HMCN1: variants seen among roughly 807,000 people sequenced by gnomAD.
HMCN1 encodes hemicentin 1, also known as hemicentin-1.
A neutral mutation model predicts 625.9 loss-of-function variants in HMCN1; 321 were observed. The observed-to-expected ratio is 0.51, with a 90% confidence interval of 0.47 to 0.56. The LOEUF is 0.56. Ranked by LOEUF, HMCN1 falls within the 20% of genes least tolerant of loss-of-function variation. The pLI is 0.00. For synonymous variants in HMCN1, 2,425 were observed against 2,417.6 expected, an observed-to-expected ratio of 1.00 and a Z score of -0.09; for missense variants, 6,588 against 6,887.3, an observed-to-expected ratio of 0.96 and a Z score of 1.54.
At chr1:185,811,650 A>AT (rs1290230848) in intron 1 of HMCN1, among the ~76,000 whole-genome samples, 1 of 151,858 alleles carries the variant, frequency 6.6e-6, no homozygotes, top group Non-Finnish European at 1.5e-5. Context: ...GGTATAAGCC[A>AT]TTTTTCTCAT....
At chr1:185,807,516 C>T (rs74495765) in intron 1 of HMCN1, among the ~76,000 whole-genome samples, 295 of 152,320 alleles carry the variant, frequency 1.9e-3, no homozygotes, top group Non-Finnish European at 3.2e-3. Flanking sequence ...TACACATAAA[C>T]ATGCACATAT....
chr1:185,744,909 T>C (rs1654281873), intron 1 of HMCN1, among the ~76,000 whole-genome samples: 1 of 151,822 alleles, frequency 6.6e-6, no homozygotes, highest in Admixed American at 6.6e-5. Flanking sequence ...AACAAGGGAG[T>C]CCTGAGAGCT....
intron 96 of HMCN1, 31 bp downstream of exon 96, chr1:186,152,902 C>T (rs1650765000): frequency 6.2e-7 from 1 of 1,612,218 alleles, no homozygotes. Flanking sequence ...GTCTTTGCTG[C>T]TTATTAGAGT....
Position 186,015,505 on chromosome 1 carries a change from T to C in HMCN1, c.4909+68T>C, listed in dbSNP as rs903755863. On this transcript the variant is annotated intron_variant, in intron 31 of 106. Coordinates refer to ENST00000271588, the MANE Select transcript of HMCN1 (RefSeq NM_031935.3). ...TGCTTTCTAATAGGCAAATATCGAA[T>C]TTATTCACTAATAGTCCTTGGTGGG... 3.6e-5 allele frequency: 52 copies of C among 1,428,652 alleles called. No homozygotes were observed. In the Middle Eastern group the frequency reaches 1.1e-3, roughly 29 times the overall value. 88.5% of individuals were successfully genotyped at this position (1,428,652 alleles called of 1,614,324 possible). A position where few individuals can be genotyped will look rare whatever the true frequency, so the allele number is the denominator to read the frequency against.
intron 20 of HMCN1, 132 bp downstream of exon 20, chr1:185,987,676 G>T: frequency 1.3e-6 from 1 of 742,146 alleles, no homozygotes. Flanking sequence ...GATTTCCTAT[G>T]TGGCTGGACA....
rs759380075 is a variant in HMCN1 at position 186,065,370 on chromosome 1, C to T, written c.7646C>T (p.Thr2549Ile). The T allele has an allele frequency of 1.2e-6, 2 of 1,611,550 alleles. No individual in the cohort carries two copies. Among genetic ancestry groups the T allele is most frequent in the African/African-American group, 2.7e-5 (2 of 74,858 alleles). The change falls in exon 49 of 107, where the codon ACA becomes ATA. Residue 2549 changes from threonine to isoleucine, a missense_variant. Thr to Ile is a moderately conservative substitution (Grantham distance 89). Around this residue, in one of 3 missense-constraint regions of HMCN1, gnomAD observed 4,628 missense variants for 4,853.1 expected, o/e 0.95. Coordinates refer to ENST00000271588, the MANE Select transcript of HMCN1 (RefSeq NM_031935.3). ...NVQVPHTGRY[T>I]CLASSPAGHK... The stretch of plus-strand genomic sequence containing the variant: ...CAGGTGCCACACACTGGAAGATATA[C>T]ATGTTTGGCTTCCAGTCCAGCTGGC...
intron 24 of HMCN1, 43 bp downstream of exon 24, chr1:185,995,130 G>A: frequency 6.3e-7 from 1 of 1,578,488 alleles, no homozygotes; most frequent in Non-Finnish European, 8.7e-7. Flanking sequence ...AGGGTGGGGA[G>A]TGAGAGAAAA....
intron 1 of HMCN1, among the ~76,000 whole-genome samples, chr1:185,741,198 A>G (rs1176788117): frequency 6.6e-6 from 1 of 152,074 alleles, no homozygotes; most frequent in Non-Finnish European, 1.5e-5. Flanking sequence ...CCAGAATCAT[A>G]CGCCCAATAT....
intron 71 of HMCN1, among the ~76,000 whole-genome samples, chr1:186,110,628 G>C (rs1266834998): frequency 6.6e-6 from 1 of 152,170 alleles, no homozygotes. Flanking sequence ...GTTCTTTAAA[G>C]ATTTCTGTAT....
At chr1:186,110,891 A>G (rs1571365329) in intron 71 of HMCN1, among the ~76,000 whole-genome samples, 2 of 151,744 alleles carry the variant, frequency 1.3e-5, no homozygotes, top group Admixed American at 1.3e-4. Flanking sequence ...AAGTGAGATT[A>G]TCAGCTAAGA....
At chr1:186,034,183 G>A (rs1006360019) in intron 36 of HMCN1, among the ~76,000 whole-genome samples, 9 of 152,138 alleles carry the variant, frequency 5.9e-5, no homozygotes, top group East Asian at 3.9e-4. Context: ...TGCCCTGCCC[G>A]TTGCTGGCTT....
At chr1:186,025,288 C>T (rs1469638491) in intron 36 of HMCN1, among the ~76,000 whole-genome samples, 1 of 152,148 alleles carries the variant, frequency 6.6e-6, no homozygotes, top group South Asian at 2.1e-4. Flanking sequence ...TGGTATCAGT[C>T]TGTGGCCCAG....
chr1:185,828,674 G>T (rs1002049810), intron 1 of HMCN1, among the ~76,000 whole-genome samples: 1 of 152,042 alleles, frequency 6.6e-6, no homozygotes, highest in Non-Finnish European at 1.5e-5. Flanking sequence ...ACAAGGAAAA[G>T]TGCACTCATC....
chr1:186,156,183 G>T (rs1558265956), intron 97 of HMCN1, among the ~76,000 whole-genome samples: 1 of 151,776 alleles, frequency 6.6e-6, no homozygotes, highest in Non-Finnish European at 1.5e-5. Context: ...AAATTATGCA[G>T]GAATATATAA....
chr1:185,977,505 G>A (rs893989311), intron 15 of HMCN1, among the ~76,000 whole-genome samples: 2 of 152,060 alleles, frequency 1.3e-5, no homozygotes, highest in Non-Finnish European at 2.9e-5. Flanking sequence ...TAGAGTGAAA[G>A]ATTCTCTTTA....
chr1:185,745,668 A>G (rs1056866547), intron 1 of HMCN1, among the ~76,000 whole-genome samples: 17 of 152,230 alleles, frequency 1.1e-4, no homozygotes, highest in Non-Finnish European at 1.9e-4. Context: ...TCCAAGAGCC[A>G]GTCCTTGGTC....
At chr1:185,910,980 C>T (rs1666384697) in intron 5 of HMCN1, among the ~76,000 whole-genome samples, 2 of 152,096 alleles carry the variant, frequency 1.3e-5, no homozygotes, top group Admixed American at 1.3e-4. Context: ...TTCTAAGTTC[C>T]AACTATTAGA....
At chr1:186,070,485 A>T in intron 51 of HMCN1, 127 bp from the exon 52 acceptor site, 1 of 781,292 alleles carries the variant, frequency 1.3e-6, no homozygotes, top group South Asian at 1.6e-5. Context: ...TACTTAATGA[A>T]AGGTCAGCAT....
chr1:186,151,849 C>T (rs545921861), intron 95 of HMCN1, 106 bp downstream of exon 95: 57 of 1,205,072 alleles, frequency 4.7e-5, no homozygotes, highest in Admixed American at 3.5e-4. Context: ...AAACTTTTTA[C>T]GCAATCTTAT....
Sources: gnomAD v4.1 joint callset for allele counts (sites outside exome capture counted in the v4.1 genomes callset) on GRCh38, gnomAD v4.1.1 for gene constraint, gnomAD v4.1.1 regional missense constraint, MANE v1.5 for transcripts, NCBI Gene and HGNC (gene_info 2026-07-23, HGNC 2026-07-21) for gene names.